LTO1: variants seen among roughly 807,000 people sequenced by gnomAD.
The protein encoded by LTO1 is LTO1 maturation factor of ABCE1.
In LTO1, 18 loss-of-function variants were observed where a neutral mutation model predicts 19.8. The observed-to-expected ratio is 0.91, with a 90% CI of 0.63 to 1.35. The LOEUF (loss-of-function observed/expected upper bound fraction) is 1.35, where lower values mean the gene tolerates loss of function less well. Ranked by LOEUF, LTO1 falls within the 40% of genes most tolerant of loss-of-function variation. LTO1 has a pLI of 0.00. For missense variants in LTO1, 175 were observed against 167.9 expected (o/e 1.04, Z -0.23); for synonymous variants, 59 against 59.6 (o/e 0.99, Z 0.05).
chr11:69,675,106 C>G (rs557789306), intron 1 of LTO1, 84 bp downstream of exon 1: 2 of 1,288,126 alleles, frequency 1.6e-6, no homozygotes, highest in Non-Finnish European at 1.1e-6. Context: ...CAGGCTCCAG[C>G]AGCCGCCCTG....
intron 3 of LTO1, among the ~76,000 whole-genome samples, chr11:69,669,567 C>G (rs1025790863): frequency 2.6e-5 from 4 of 152,228 alleles, no homozygotes; most frequent in African/African-American, 9.6e-5. Flanking sequence ...TGTATGCTAA[C>G]CCGATGCAGA....
rs1292373508 is a variant in LTO1, at chr11:69,665,721, G to T, written c.*1798C>A. 1 of 152,150 alleles carries T rather than the reference G, an allele frequency of 6.6e-6. No homozygotes were observed. The highest frequency in any genetic ancestry group is 1.5e-5 in the Non-Finnish European group (1 of 68,036). 9.4% of individuals were successfully genotyped at this position (152,150 alleles called of 1,614,324 possible). On this transcript the variant is annotated 3_prime_UTR_variant, in exon 5 of 5. Coordinates refer to ENST00000279147, the MANE Select transcript of LTO1 (RefSeq NM_153451.3). ...GAACGAGAGTCTTTCTGGCCCGAAG[G>T]CACCAGCTCTGATGAAGGCACAATG... is the stretch of plus-strand genomic sequence containing the variant.
At chr11:69,667,697 A>T in intron 4 of LTO1, 110 bp from the exon 5 acceptor site, 1 of 824,208 alleles carries the variant, frequency 1.2e-6, no homozygotes, top group South Asian at 1.5e-5. Context: ...GCCAGCCCAT[A>T]AATGAGTTCT....
chr11:69,670,506 C>T (rs1451245199), intron 3 of LTO1, among the ~76,000 whole-genome samples: 1 of 152,226 alleles, frequency 6.6e-6, no homozygotes, highest in Non-Finnish European at 1.5e-5. Flanking sequence ...CTCAAGTGCC[C>T]CTCTGCTAAC....
intron 4 of LTO1, 125 bp from the exon 5 acceptor site, chr11:69,667,712 C>A: frequency 1.3e-6 from 1 of 755,022 alleles, no homozygotes; most frequent in East Asian, 2.6e-5. Context: ...AGTTCTAACT[C>A]CTTTTCTCTG....
chr11:69,675,144 G>A (rs750149398), intron 1 of LTO1, 46 bp downstream of exon 1: 23 of 1,569,788 alleles, frequency 1.5e-5, no homozygotes, highest in Middle Eastern at 1.7e-4. Flanking sequence ...AAGCCGCTGG[G>A]AGACGACCAG....
chr11:69,668,675 G>T (rs1014473385), intron 3 of LTO1, among the ~76,000 whole-genome samples: 35 of 147,268 alleles, frequency 2.4e-4, no homozygotes, highest in African/African-American at 6.8e-4. Flanking sequence ...TTTCTGTTTT[G>T]TTTTTTTTTT....
At chr11:69,670,044 T>G (rs1012879714) in intron 3 of LTO1, among the ~76,000 whole-genome samples, 1 of 150,850 alleles carries the variant, frequency 6.6e-6, no homozygotes, top group Non-Finnish European at 1.5e-5. Flanking sequence ...ACATGTAAGA[T>G]CTAAACATCC....
chr11:69,668,349 G>A, intron 3 of LTO1: 1 of 217,102 alleles, frequency 4.6e-6, no homozygotes, highest in Non-Finnish European at 9.2e-6. Flanking sequence ...AGGGACTGGG[G>A]CTGGGCACGA....
chr11:69,672,443 T>C (rs1033414984), intron 2 of LTO1: 1 of 156,554 alleles, frequency 6.4e-6, no homozygotes, highest in Non-Finnish European at 1.4e-5. Flanking sequence ...ACATCCAATA[T>C]AGTCATAACT....
At chr11:69,673,368 C>T (rs1856140030) in intron 1 of LTO1, 47 bp from the exon 2 acceptor site, 1 of 1,294,064 alleles carries the variant, frequency 7.7e-7, no homozygotes, top group Non-Finnish European at 1.1e-6. Context: ...AGAAAGAATA[C>T]TTTCTCCAGA....
chr11:69,674,026 T>C (rs1262933689), intron 1 of LTO1, among the ~76,000 whole-genome samples: 2 of 152,140 alleles, frequency 1.3e-5, no homozygotes, highest in Non-Finnish European at 1.5e-5. Context: ...GCTAATTTTT[T>C]GTATTTTTAG....
rs1169084939 is a variant in LTO1, at chr11:69,671,553, C to T, written c.227+196G>A. 3 of 549,860 alleles carry T rather than the reference C, an allele frequency of 5.5e-6. No homozygotes were observed. In the South Asian group the frequency reaches 6.7e-5, roughly 12 times the overall value. The allele number at this position is 549,860 out of a possible 1,614,324, so 34.1% of individuals were successfully genotyped here. A position where few individuals can be genotyped will look rare whatever the true frequency, so the allele number is the denominator to read the frequency against. ...GCAACAACAGCCAGTGTTCACCAAA[C>T]ACCTAAAATGTGCCTGGCACTTTCT... On this transcript the variant is annotated intron_variant, in intron 3 of 4. Coordinates refer to ENST00000279147, the MANE Select transcript of LTO1 (RefSeq NM_153451.3).
At chr11:69,674,981 T>C (rs567512541) in intron 1 of LTO1, 1 of 693,956 alleles carries the variant, frequency 1.4e-6, no homozygotes, top group Non-Finnish European at 2.6e-6. Flanking sequence ...GAAGAGCAGC[T>C]GGGCACGTGC....
intron 3 of LTO1, 156 bp from the exon 4 acceptor site, chr11:69,668,168 A>G (rs1856061226): frequency 1.6e-6 from 1 of 631,466 alleles, no homozygotes; most frequent in Non-Finnish European, 2.9e-6. Context: ...ACGAAATCAT[A>G]TTTATTTACC....
At chr11:69,674,576 G>A in intron 1 of LTO1, 1 of 357,600 alleles carries the variant, frequency 2.8e-6, no homozygotes, top group Non-Finnish European at 5.5e-6. Context: ...TAGATAACCA[G>A]GGTGGAACGT....
At position 69,673,206 on chromosome 11, in the gene LTO1, TC is replaced by T; in HGVS notation, c.156+9del. 6.8e-7 allele frequency: 1 copy of T among 1,469,024 alleles called. No individual in the cohort carries two copies. The highest frequency in any genetic ancestry group is 9.5e-7 in the Non-Finnish European group (1 of 1,047,288). 91.0% of individuals were successfully genotyped at this position (1,469,024 alleles called of 1,614,324 possible). A position where few individuals can be genotyped will look rare whatever the true frequency, so the allele number is the denominator to read the frequency against. On this transcript the variant is annotated intron_variant, in intron 2 of 4. Transcript: ENST00000279147. ...AGAGGCTTCATCTCCAGATGGGGGT[TC>T]CCACTTACCTCAGACCCGATTTTGG...
intron 3 of LTO1, 63 bp downstream of exon 3, chr11:69,671,686 G>A (rs1411590837): frequency 3.4e-6 from 3 of 888,822 alleles, no homozygotes; most frequent in Non-Finnish European, 3.8e-6. Flanking sequence ...GGGCATGCTG[G>A]TAACCCATGG....
Position 69,671,734 on chromosome 11 carries a change from C to T in LTO1, c.227+15G>A, listed in dbSNP as rs374793992. ...TGGTTCCTACGCTGAGAAAGAAAGA[C>T]ATCTCCACCTTTACCTGTCCTTCTC... On this transcript the variant is annotated intron_variant, in intron 3 of 4. Coordinates refer to ENST00000279147, the MANE Select transcript of LTO1 (RefSeq NM_153451.3). The T allele has an allele frequency of 1.3e-6, 2 of 1,495,224 alleles. No homozygotes were observed. Among genetic ancestry groups the T allele is most frequent in the Non-Finnish European group, 9.3e-7 (1 of 1,071,546 alleles). 92.6% of individuals were successfully genotyped at this position (1,495,224 alleles called of 1,614,324 possible).
Sources: gnomAD v4.1 joint callset for allele counts (sites outside exome capture counted in the v4.1 genomes callset) on GRCh38, gnomAD v4.1.1 for gene constraint, MANE v1.5 for transcripts, NCBI Gene and HGNC (gene_info 2026-07-23, HGNC 2026-07-21) for gene names.